ME3: variants seen among roughly 807,000 people sequenced by gnomAD.
The protein encoded by ME3 is NADP-dependent malic enzyme, mitochondrial.
A neutral mutation model predicts 68.9 loss-of-function variants in ME3; 48 were observed. That is an observed-to-expected ratio of 0.70 (90% CI 0.55 to 0.89). The LOEUF is 0.89. ME3 is among the 40% of genes least tolerant of loss of function. The probability of loss-of-function intolerance (pLI) is 0.00; values close to 1 mark genes in which losing one functional copy is unlikely to be tolerated. For synonymous variants in ME3, 320 were observed against 318.8 expected (o/e 1.00, Z -0.04); for missense variants, 675 against 797.4 (o/e 0.85, Z 1.85).
At chr11:86,560,744 G>GTATATATATATATATATATA (rs58764893) in intron 2 of ME3, among the ~76,000 whole-genome samples, 8 of 66,910 alleles carry the variant, frequency 1.2e-4, no homozygotes, top group African/African-American at 4.4e-4. Context: ...GTGTGTGTGT[G>GTATATATATATATATATATA]TGTGTATATA....
chr11:86,484,717 G>A (rs1258535784), intron 7 of ME3, among the ~76,000 whole-genome samples: 1 of 152,178 alleles, frequency 6.6e-6, no homozygotes, highest in Non-Finnish European at 1.5e-5. Context: ...AGCAAAAAGT[G>A]GGCTTTCAAA....
chr11:86,612,482 C>T (rs980377242), intron 2 of ME3, among the ~76,000 whole-genome samples: 5 of 152,128 alleles, frequency 3.3e-5, no homozygotes, highest in Middle Eastern at 3.2e-3. Context: ...CTTGAGGAAC[C>T]GCCATACTGT....
chr11:86,465,089 A>C lies in ME3; in HGVS notation c.919+2T>G. The C allele has an allele frequency of 6.2e-7, 1 of 1,608,640 alleles. No homozygotes were observed. Among genetic ancestry groups the C allele is most frequent in the South Asian group, 1.1e-5 (1 of 90,938 alleles). ...GCTTCATCAGGTGGGGTGGAAACCT[A>C]CCTTGGATGTCATCATTGAACATGC... On this transcript the variant is annotated splice_donor_variant, in intron 8 of 14. Coordinates refer to ENST00000543262, the Ensembl canonical transcript of ME3. LOFTEE classifies it high-confidence loss of function.
chr11:86,614,966 A>G (rs923655880), intron 2 of ME3, among the ~76,000 whole-genome samples: 1 of 152,190 alleles, frequency 6.6e-6, no homozygotes, highest in African/African-American at 2.4e-5. Context: ...TGTGGCCATG[A>G]GACGACTTTT....
chr11:86,457,261 C>G (rs1949992465), intron 8 of ME3: 1 of 155,798 alleles, frequency 6.4e-6, no homozygotes, highest in African/African-American at 2.4e-5. Context: ...ATTTCTTACT[C>G]TCCTTTATAG....
At chr11:86,643,498 G>A (rs971229995) in intron 2 of ME3, among the ~76,000 whole-genome samples, 1 of 151,966 alleles carries the variant, frequency 6.6e-6, no homozygotes, top group Admixed American at 6.6e-5. Context: ...GACACACCAA[G>A]AAAAAGTAAT....
At chr11:86,647,153 A>T (rs939241289) in intron 2 of ME3, among the ~76,000 whole-genome samples, 2 of 152,214 alleles carry the variant, frequency 1.3e-5, no homozygotes, top group Non-Finnish European at 2.9e-5. Flanking sequence ...CTAATGGGCA[A>T]AATAACCAGC....
At chr11:86,476,783 G>C (rs564395348) in intron 7 of ME3, among the ~76,000 whole-genome samples, 1 of 152,192 alleles carries the variant, frequency 6.6e-6, no homozygotes, top group East Asian at 1.9e-4. Context: ...CACATACCAG[G>C]GATCTAAAAT....
chr11:86,619,757 T>A (rs957656827), intron 2 of ME3, among the ~76,000 whole-genome samples: 5 of 152,238 alleles, frequency 3.3e-5, no homozygotes, highest in Admixed American at 3.3e-4. Flanking sequence ...GGGGTATGTC[T>A]TTATCAGGTA....
intron 7 of ME3, 54 bp downstream of exon 7, chr11:86,487,283 G>A (rs1388714368): frequency 6.9e-6 from 10 of 1,441,088 alleles, no homozygotes; most frequent in Non-Finnish European, 8.8e-6. Context: ...GTTGACTTTA[G>A]TCACGGCATC....
At chr11:86,608,338 T>C (rs1942306078) in intron 2 of ME3, among the ~76,000 whole-genome samples, 1 of 152,170 alleles carries the variant, frequency 6.6e-6, no homozygotes, top group African/African-American at 2.4e-5. Context: ...GAGGGGCCAC[T>C]ATGGGGAGCT....
intron 2 of ME3, among the ~76,000 whole-genome samples, chr11:86,596,875 A>C (rs1370146318): frequency 6.6e-6 from 1 of 152,116 alleles, no homozygotes; most frequent in Non-Finnish European, 1.5e-5. Flanking sequence ...TCCCTGTCAG[A>C]ACCAGGTCAT....
At chr11:86,641,096 A>G (rs1944645808) in intron 2 of ME3, among the ~76,000 whole-genome samples, 1 of 152,012 alleles carries the variant, frequency 6.6e-6, no homozygotes, top group Non-Finnish European at 1.5e-5. Flanking sequence ...AATGCATAAT[A>G]TATATTTAAA....
At position 86,596,987 on chromosome 11, in the gene ME3, G is replaced by T. The variant is rs1330044873; in HGVS notation, c.184-37164C>A. On this transcript the variant is annotated intron_variant, in intron 2 of 14. Transcript: ENST00000543262. ...CATAGAGGGAAGCCTCTGACAACAG[G>T]CAGCTGGAAAAAGTCTGGCTGAGAA... 3.9e-5 allele frequency among the ~76,000 whole-genome samples: 6 copies of T among 152,200 alleles called. 1 individual carries two copies. The highest frequency in any genetic ancestry group is 3.9e-4 in the Admixed American group (6 of 15,288).
At chr11:86,519,473 C>T (rs1267550852) in intron 4 of ME3, among the ~76,000 whole-genome samples, 2 of 152,190 alleles carry the variant, frequency 1.3e-5, no homozygotes, top group Non-Finnish European at 1.5e-5. Flanking sequence ...CCCTGAACAA[C>T]ACCCACTCAA....
chr11:86,526,973 G>C (rs534274515), intron 4 of ME3, among the ~76,000 whole-genome samples: 1 of 152,312 alleles, frequency 6.6e-6, no homozygotes, highest in South Asian at 2.1e-4. Flanking sequence ...CTCCTCCAAA[G>C]GAACGCAGCT....
chr11:86,631,734 A>T (rs1036406151), intron 2 of ME3, among the ~76,000 whole-genome samples: 7 of 152,166 alleles, frequency 4.6e-5, no homozygotes, highest in Non-Finnish European at 1.0e-4. Context: ...CTGTTCTGAT[A>T]GTTATAAATT....
chr11:86,540,632 C>T (rs1297715939), intron 4 of ME3, among the ~76,000 whole-genome samples: 3 of 152,174 alleles, frequency 2.0e-5, no homozygotes, highest in Admixed American at 6.5e-5. Context: ...AATGTTACCA[C>T]TTCAGAGCAC....
rs1180614918 is a variant in ME3 at position 86,442,917 on chromosome 11, T to A, written c.1557A>T (p.Gln519His). Residue 519 changes from glutamine (Q) to histidine (H), a missense_variant and splice_region_variant, in exon 14 of 15, where the codon CAA becomes CAT. Transcript: ENST00000543262. ...GCTGCTCAGAGACTTCCTGGGCAAT[T>A]TGCTGGGGAGAAGGAGAGAACCGAG... 11 of 1,609,630 alleles carry A rather than the reference T, an allele frequency of 6.8e-6. No individual in the cohort carries two copies. Among genetic ancestry groups the A allele is most frequent in the Non-Finnish European group, 9.3e-6 (11 of 1,176,508 alleles).
Sources: gnomAD v4.1 joint callset for allele counts (sites outside exome capture counted in the v4.1 genomes callset) on GRCh38, gnomAD v4.1.1 for gene constraint, MANE v1.5 for transcripts, NCBI Gene and HGNC (gene_info 2026-07-23, HGNC 2026-07-21) for gene names.